Variants in ULK4 observed in about 807,000 individuals in gnomAD.
ULK4 encodes unc-51 like kinase 4.
A neutral mutation model predicts 160.6 loss-of-function variants in ULK4; 133 were observed. The observed-to-expected ratio is 0.83, with a 90% CI of 0.72 to 0.96. The LOEUF (loss-of-function observed/expected upper bound fraction) is 0.96. Among genes scored for constraint, ULK4 ranks in the 40% least tolerant of loss-of-function variants. The pLI, the probability that ULK4 is intolerant of heterozygous loss-of-function variation, is 0.00. For synonymous variants in ULK4, 534 were observed against 539.8 expected, an observed-to-expected ratio of 0.99 and a Z score of 0.15; for missense variants, 1,580 against 1,499.5, an observed-to-expected ratio of 1.05 and a Z score of -0.89.
chr3:41,521,143 G>A (rs1243772289), intron 32 of ULK4, among the ~76,000 whole-genome samples: 3 of 152,298 alleles, frequency 2.0e-5, no homozygotes, highest in Non-Finnish European at 4.4e-5. Context: ...CTGACCAGGA[G>A]TGCCACACAT....
At chr3:41,594,979 C>A (rs2031595306) in intron 31 of ULK4, among the ~76,000 whole-genome samples, 1 of 152,050 alleles carries the variant, frequency 6.6e-6, no homozygotes, top group Non-Finnish European at 1.5e-5. Flanking sequence ...GTCACTGAGA[C>A]AGGAAAAACC....
At chr3:41,867,470 T>C (rs1696938033) in intron 17 of ULK4, among the ~76,000 whole-genome samples, 1 of 152,130 alleles carries the variant, frequency 6.6e-6, no homozygotes, top group African/African-American at 2.4e-5. Flanking sequence ...CTCACAGATT[T>C]AAGCGATTCT....
intron 35 of ULK4, among the ~76,000 whole-genome samples, chr3:41,294,601 G>A (rs937654475): frequency 6.6e-6 from 1 of 152,056 alleles, no homozygotes; most frequent in African/African-American, 2.4e-5. Flanking sequence ...CAAAATGGCC[G>A]GCAGTAGTGA....
At chr3:41,866,236 T>C (rs1188188538) in intron 17 of ULK4, among the ~76,000 whole-genome samples, 1 of 152,220 alleles carries the variant, frequency 6.6e-6, no homozygotes, top group African/African-American at 2.4e-5. Context: ...CACTATGCTG[T>C]TATCGTTCAT....
At chr3:41,749,338 T>C (rs1398665790) in intron 22 of ULK4, among the ~76,000 whole-genome samples, 1 of 151,866 alleles carries the variant, frequency 6.6e-6, no homozygotes, top group Non-Finnish European at 1.5e-5. Flanking sequence ...CAAAAATTAG[T>C]CAGGCATGGC....
intron 34 of ULK4, among the ~76,000 whole-genome samples, chr3:41,418,554 A>G (rs576378007): frequency 5.9e-5 from 9 of 152,246 alleles, no homozygotes; most frequent in Non-Finnish European, 1.0e-4. Flanking sequence ...TCTGGTCTTC[A>G]TTTCCTAATC....
intron 19 of ULK4, among the ~76,000 whole-genome samples, chr3:41,816,253 T>G (rs1253990771): frequency 1.3e-5 from 2 of 152,056 alleles, no homozygotes; most frequent in Non-Finnish European, 2.9e-5. Flanking sequence ...CACACACATA[T>G]TACAGCAAAG....
At chr3:41,825,956 A>G (rs1460035256) in intron 18 of ULK4, among the ~76,000 whole-genome samples, 1 of 152,210 alleles carries the variant, frequency 6.6e-6, no homozygotes, top group African/African-American at 2.4e-5. Context: ...CTAACAGCGG[A>G]TCTCTTCGCA....
chr3:41,391,727 T>C (rs1478822323), intron 35 of ULK4, among the ~76,000 whole-genome samples: 1 of 152,038 alleles, frequency 6.6e-6, no homozygotes, highest in African/African-American at 2.4e-5. Flanking sequence ...GAAGGGCCGA[T>C]ACCTATATGA....
intron 35 of ULK4, among the ~76,000 whole-genome samples, chr3:41,332,399 T>G (rs1217062596): frequency 1.3e-5 from 2 of 152,246 alleles, no homozygotes; most frequent in African/African-American, 4.8e-5. Flanking sequence ...GATTTCATCA[T>G]GGTTATGACA....
intron 30 of ULK4, among the ~76,000 whole-genome samples, chr3:41,630,923 C>T (rs1559445335): frequency 1.3e-5 from 2 of 152,308 alleles, no homozygotes; most frequent in East Asian, 3.9e-4. Flanking sequence ...GAGCACTAGA[C>T]TACAAGCAAA....
intron 35 of ULK4, among the ~76,000 whole-genome samples, chr3:41,272,361 T>C (rs1282334664): frequency 6.7e-6 from 1 of 150,012 alleles, no homozygotes; most frequent in Non-Finnish European, 1.5e-5. Flanking sequence ...TTTTTTTTTT[T>C]TTTTTTTGCT....
chr3:41,894,013 A>G (rs753396446), intron 16 of ULK4, among the ~76,000 whole-genome samples: 5 of 152,188 alleles, frequency 3.3e-5, no homozygotes, highest in Non-Finnish European at 7.3e-5. Context: ...GTATCACTTT[A>G]TTCAAATTAA....
intron 35 of ULK4, among the ~76,000 whole-genome samples, chr3:41,279,096 C>T (rs768282731): frequency 1.3e-4 from 20 of 151,988 alleles, no homozygotes; most frequent in Non-Finnish European, 2.8e-4. Flanking sequence ...GTGTAGAGAA[C>T]ATAAATGACC....
intron 32 of ULK4, among the ~76,000 whole-genome samples, chr3:41,562,655 T>C (rs529188944): frequency 6.6e-6 from 1 of 152,328 alleles, no homozygotes; most frequent in East Asian, 1.9e-4. Context: ...GTTTAAAGTC[T>C]GTTTTATCAG....
At chr3:41,655,606 C>A (rs1237761986) in intron 30 of ULK4, among the ~76,000 whole-genome samples, 1 of 152,088 alleles carries the variant, frequency 6.6e-6, no homozygotes, top group East Asian at 1.9e-4. Context: ...ACTCAGGAGG[C>A]TAAGGCAGAA....
intron 1 of ULK4, chr3:41,955,618 C>A: frequency 6.4e-6 from 1 of 156,766 alleles, no homozygotes; most frequent in South Asian, 1.8e-4. Context: ...GCTGGCGCGC[C>A]ATGGAGTTGC....
rs184038899 is a variant in ULK4, at chr3:41,373,462, A to T, written c.3678+24617T>A. Among the ~76,000 whole-genome samples, 3 of 152,360 alleles carry T rather than the reference A, an allele frequency of 2.0e-5. No homozygotes were observed. In the East Asian group the frequency reaches 5.8e-4, roughly 29 times the overall value. On this transcript the variant is annotated intron_variant, in intron 35 of 36. Coordinates refer to ENST00000301831, the MANE Select transcript of ULK4 (RefSeq NM_017886.4). Reference sequence around the variant, plus strand: ...TTTCAGAACACAGTACAATCAAATTAGAAATCAGGGTTAAGAAACTCACTC... The same window carrying T: ...TTTCAGAACACAGTACAATCAAATTTGAAATCAGGGTTAAGAAACTCACTC...
chr3:41,570,926 T>G (rs1254560756), intron 31 of ULK4, among the ~76,000 whole-genome samples: 1 of 152,188 alleles, frequency 6.6e-6, no homozygotes, highest in Non-Finnish European at 1.5e-5. Flanking sequence ...ACACTCTGAT[T>G]ATCAAACTTC....
Sources: allele counts gnomAD v4.1 joint callset (sites outside exome capture counted in the v4.1 genomes callset), GRCh38; gene constraint gnomAD v4.1.1; transcripts MANE v1.5; gene names NCBI Gene and HGNC (gene_info 2026-07-23, HGNC 2026-07-21).